The following NBEAL1 variants were observed in gnomAD, a reference collection of about 807,000 sequenced individuals.
NBEAL1 encodes the protein neurobeachin-like protein 1.
A neutral mutation model predicts 351.3 loss-of-function variants in NBEAL1; 273 were observed. The observed-to-expected ratio is 0.78, with a 90% confidence interval of 0.70 to 0.86. The LOEUF (loss-of-function observed/expected upper bound fraction) is 0.86. Ranked by LOEUF, NBEAL1 falls within the 40% of genes least tolerant of loss-of-function variation. NBEAL1 has a pLI of 0.00. For missense variants in NBEAL1, 2,961 were observed against 3,201.3 expected, an observed-to-expected ratio of 0.92 and a Z score of 1.81; for synonymous variants, 1,050 against 1,086.4, an observed-to-expected ratio of 0.97 and a Z score of 0.66.
intron 51 of NBEAL1, 100 bp from the exon 52 acceptor site, chr2:203,208,537 A>G (rs1458785796): frequency 4.0e-6 from 3 of 755,332 alleles, no homozygotes; most frequent in Non-Finnish European, 4.6e-6. Flanking sequence ...ACTAGTTGCA[A>G]TGTTAGTTTG....
rs2063087456 is a variant in NBEAL1, at chr2:203,132,110, C to T, written c.3702C>T (p.Leu1234=). The change falls in exon 26 of 56, where the codon CTC becomes CTT. Residue 1234 remains leucine, a synonymous_variant. Transcript: ENST00000683969. The stretch of plus-strand genomic sequence containing the variant: ...TTAATACTTCTCTTATTAAAAACCT[C>T]ACCCATCAAATCATAAATACAGGTA... The part of the protein sequence containing the change: ...ALVNTSLIKN[L]THQIINTDPV... The T allele has an allele frequency of 1.3e-6, 2 of 1,534,318 alleles. No homozygotes were observed. Among genetic ancestry groups the T allele is most frequent in the African/African-American group, 1.4e-5 (1 of 72,794 alleles).
chr2:203,117,813 G>A (rs2062734384), intron 18 of NBEAL1, among the ~76,000 whole-genome samples: 1 of 151,598 alleles, frequency 6.6e-6, no homozygotes, highest in South Asian at 2.1e-4. Context: ...CTCCGGAGTA[G>A]CTAGGACTAC....
In NBEAL1 at chr2:203,144,664, A is replaced by T; in HGVS notation, c.4913A>T (p.Asp1638Val). ...CAGACCAAAGTGATTGAAAATCAGGATGAAGCATGTTACATTTTAGGGAAG... is the reference window on the plus strand; with the variant it reads ...CAGACCAAAGTGATTGAAAATCAGGTTGAAGCATGTTACATTTTAGGGAAG... Reference protein sequence around the residue: ...LLQTKVIENQDEACYILGKLE... With the variant: ...LLQTKVIENQVEACYILGKLE... Residue 1638 changes from aspartate to valine, a missense_variant, in exon 32 of 56, where the codon GAT becomes GTT. Physicochemically the swap from Asp to Val is radical, Grantham distance 152 (BLOSUM62 -3). Transcript: ENST00000683969. The T allele has an allele frequency of 6.2e-7, 1 of 1,614,172 alleles. No individual in the cohort carries two copies. The highest frequency in any genetic ancestry group is 1.7e-5 in the Admixed American group (1 of 60,036).
intron 2 of NBEAL1, among the ~76,000 whole-genome samples, chr2:203,038,318 T>C (rs929757673): frequency 1.3e-5 from 2 of 149,126 alleles, no homozygotes; most frequent in Non-Finnish European, 3.0e-5. Context: ...TATTTCATAC[T>C]GCCACCAGTA....
At chr2:203,105,912 C>G (rs1362746043) in intron 12 of NBEAL1, among the ~76,000 whole-genome samples, 1 of 152,142 alleles carries the variant, frequency 6.6e-6, no homozygotes, top group Non-Finnish European at 1.5e-5. Context: ...AGTTTTTCTT[C>G]ATTAATAAAA....
At chr2:203,198,127 C>T (rs2065290833) in intron 48 of NBEAL1, among the ~76,000 whole-genome samples, 1 of 150,792 alleles carries the variant, frequency 6.6e-6, no homozygotes, top group Admixed American at 6.6e-5. Context: ...ACCCTTCCAC[C>T]TCGGCCTCCT....
rs9941611 is a variant in NBEAL1 at position 203,125,355 on chromosome 2, A to G, written c.2686A>G (p.Ile896Val). 10,204 of 1,506,972 alleles carry G rather than the reference A, an allele frequency of 6.8e-3. 520 individuals are homozygous for G. The African/African-American group carries it at 0.12, about 18-fold the overall frequency. The allele number at this position is 1,506,972 out of a possible 1,614,324, so 93.4% of individuals were successfully genotyped here. ...NKVVNWDIKD[I>V]INCIGGLNVL... ...AACATTATAATTTTCCCTTTAGGATATCATAAACTGCATAGGTGGGTTAAA... is the reference window on the plus strand; with the variant it reads ...AACATTATAATTTTCCCTTTAGGATGTCATAAACTGCATAGGTGGGTTAAA... Residue 896 changes from isoleucine (I) to valine (V), a missense_variant, in exon 20 of 56, where the codon ATC becomes GTC. Ile to Val is a conservative substitution (Grantham distance 29, BLOSUM62 3). Transcript: ENST00000683969.
Position 203,135,771 on chromosome 2 carries a change from C to T in NBEAL1, c.3908C>T (p.Ala1303Val). Residue 1303 changes from alanine to valine, a missense_variant, in exon 28 of 56, where the codon GCA becomes GTA. Transcript: ENST00000683969. ...ACCTTAGTTAGGCTTTTTTTAAAAG[C>T]AAAATTTGAAAACGGAAATACTCTT... The part of the protein sequence containing the change: ...QDTLVRLFLK[A>V]KFENGNTLHK... 1 of 1,604,606 alleles carries T rather than the reference C, an allele frequency of 6.2e-7. No homozygotes were observed.
chr2:203,139,823 T>C (rs1375213941), intron 31 of NBEAL1, among the ~76,000 whole-genome samples: 4 of 151,848 alleles, frequency 2.6e-5, no homozygotes, highest in African/African-American at 9.7e-5. Flanking sequence ...CACCTCAGCC[T>C]TCCAAAGTGC....
intron 16 of NBEAL1, among the ~76,000 whole-genome samples, chr2:203,112,757 T>C (rs2062601213): frequency 6.6e-6 from 1 of 152,144 alleles, no homozygotes; most frequent in Non-Finnish European, 1.5e-5. Flanking sequence ...CTTTAAAAAT[T>C]CAAAAATTAC....
chr2:203,060,335 AAAG>A (rs2061478301), intron 6 of NBEAL1, among the ~76,000 whole-genome samples: 1 of 152,164 alleles, frequency 6.6e-6, no homozygotes, highest in Non-Finnish European at 1.5e-5. Flanking sequence ...AAAATATAAT[AAAG>A]ATTATTACAC....
chr2:203,103,271 T>C (rs1574972486), intron 12 of NBEAL1, among the ~76,000 whole-genome samples: 1 of 152,180 alleles, frequency 6.6e-6, no homozygotes, highest in East Asian at 1.9e-4. Context: ...TGTTGATCTT[T>C]TGTATTTCTT....
Position 203,117,006 on chromosome 2 carries a change from G to A in NBEAL1, c.2592+936G>A, listed in dbSNP as rs543193768. On this transcript the variant is annotated intron_variant, in intron 18 of 55. Transcript: ENST00000683969. ...AGTTCCAGCTACTTAGGAGGGTGAG[G>A]CATGAGAATTGATCGAACCCGGGAG... Among the ~76,000 whole-genome samples the A allele has an allele frequency of 3.9e-5, 6 of 152,156 alleles. No homozygotes were observed. The East Asian group carries it at 1.2e-3, about 29-fold the overall frequency.
rs564020938 is a variant in NBEAL1, at chr2:203,195,397, G to T, written c.7038+1486G>T. 4.6e-5 allele frequency among the ~76,000 whole-genome samples: 7 copies of T among 152,080 alleles called. No individual in the cohort carries two copies. The East Asian group carries it at 1.4e-3, about 29-fold the overall frequency. On this transcript the variant is annotated intron_variant, in intron 47 of 55. Transcript: ENST00000683969. ...CCATGTTTACTGAAATAGTTATTTA[G>T]TGTTGCAATACAAACTCTACAAACT...
chr2:203,074,169 A>G (rs908108987), intron 7 of NBEAL1, among the ~76,000 whole-genome samples: 1 of 152,208 alleles, frequency 6.6e-6, no homozygotes, highest in African/African-American at 2.4e-5. Context: ...GCCACAGTGT[A>G]TACATATTTC....
intron 6 of NBEAL1, among the ~76,000 whole-genome samples, chr2:203,064,535 T>A (rs77794153): frequency 0.036 from 5,478 of 152,268 alleles, 321 homozygotes; most frequent in African/African-American, 0.12. Flanking sequence ...AGAAGGACAC[T>A]TCATTGCTTA....
At chr2:203,159,364 C>T (rs1036069800) in intron 36 of NBEAL1, among the ~76,000 whole-genome samples, 2 of 151,970 alleles carry the variant, frequency 1.3e-5, no homozygotes, top group East Asian at 1.9e-4. Context: ...TTTGAGTGGT[C>T]GGTCCCAGTT....
rs1318133520 is a variant in NBEAL1, at chr2:203,126,110, T to C, written c.2985+17T>C. On this transcript the variant is annotated intron_variant, in intron 21 of 55. Coordinates refer to ENST00000683969, the MANE Select transcript of NBEAL1 (RefSeq NM_001378026.1). ...CTTCAGAAGGTGAGCCAGTCTAACATTGTGTTGATGTAGCTAATAATTGTG... is the reference window on the plus strand; with the variant it reads ...CTTCAGAAGGTGAGCCAGTCTAACACTGTGTTGATGTAGCTAATAATTGTG... The C allele has an allele frequency of 5.9e-6, 9 of 1,529,636 alleles. No homozygotes were observed. The highest frequency in any genetic ancestry group is 2.5e-5 in the East Asian group (1 of 39,446). 94.8% of individuals were successfully genotyped at this position (1,529,636 alleles called of 1,614,324 possible).
At chr2:203,020,342 A>G (rs377757956) in intron 2 of NBEAL1, among the ~76,000 whole-genome samples, 1 of 152,174 alleles carries the variant, frequency 6.6e-6, no homozygotes, top group South Asian at 2.1e-4. Context: ...CTGCTTTCTA[A>G]AGATTCTTTC....
Sources: allele counts gnomAD v4.1 joint callset (sites outside exome capture counted in the v4.1 genomes callset), GRCh38; gene constraint gnomAD v4.1.1; transcripts MANE v1.5; gene names NCBI Gene and HGNC (gene_info 2026-07-23, HGNC 2026-07-21).